The following CACNA1D variants were observed in gnomAD, a reference collection of about 807,000 sequenced individuals.
CACNA1D encodes the protein voltage-dependent L-type calcium channel subunit alpha-1D.
A neutral mutation model predicts 257.1 loss-of-function variants in CACNA1D; 55 were observed. That is an observed-to-expected ratio of 0.21 (90% CI 0.17 to 0.27). The LOEUF is 0.27. Among genes scored for constraint, CACNA1D ranks in the 10% least tolerant of loss-of-function variants. The pLI is 1.00. For synonymous variants in CACNA1D, 980 were observed against 1,014.9 expected, an observed-to-expected ratio of 0.97 and a Z score of 0.65; for missense variants, 1,876 against 2,784.0, an observed-to-expected ratio of 0.67 and a Z score of 7.34.
At chr3:53,643,307 C>G (rs1164886681) in intron 3 of CACNA1D, among the ~76,000 whole-genome samples, 1 of 151,968 alleles carries the variant, frequency 6.6e-6, no homozygotes, top group South Asian at 2.1e-4. Context: ...ATCTCTGAGC[C>G]GACGCCTGCC....
At chr3:53,780,891 C>T (rs938331800) in intron 38 of CACNA1D, among the ~76,000 whole-genome samples, 22 of 152,308 alleles carry the variant, frequency 1.4e-4, no homozygotes, top group African/African-American at 5.1e-4. Flanking sequence ...GCAAGGGACT[C>T]ATGCTGAGTG....
intron 3 of CACNA1D, among the ~76,000 whole-genome samples, chr3:53,559,403 A>G (rs2092699517): frequency 6.6e-6 from 1 of 152,092 alleles, no homozygotes; most frequent in South Asian, 2.1e-4. Context: ...ATTTTGGAGT[A>G]TGTTCTAGAC....
intron 3 of CACNA1D, among the ~76,000 whole-genome samples, chr3:53,553,853 C>G (rs558642799): frequency 1.3e-5 from 2 of 151,098 alleles, no homozygotes; most frequent in African/African-American, 4.9e-5. Context: ...TAAGCCTTTG[C>G]AGTAGGAGCT....
In CACNA1D at chr3:53,665,667, A is replaced by G; in HGVS notation, c.774A>G (p.Gln258=). The G allele has an allele frequency of 6.2e-7, 1 of 1,613,098 alleles. No individual in the cohort carries two copies. Among genetic ancestry groups the G allele is most frequent in the Non-Finnish European group, 8.5e-7 (1 of 1,179,164 alleles). The part of the protein sequence containing the change: ...LRLVSGVPSL[Q]VVLNSIIKAM... ...TTTTTTTGTCTTTCCTAGGTTTACAAGTTGTCCTGAACTCCATTATAAAAG... is the reference window on the plus strand; with the variant it reads ...TTTTTTTGTCTTTCCTAGGTTTACAGGTTGTCCTGAACTCCATTATAAAAG... Residue 258 remains glutamine, a synonymous_variant, in exon 6 of 48, where the codon CAA becomes CAG. Transcript: ENST00000350061.
chr3:53,661,272 A>G (rs1314522027), intron 5 of CACNA1D, among the ~76,000 whole-genome samples: 2 of 152,214 alleles, frequency 1.3e-5, no homozygotes, highest in Non-Finnish European at 2.9e-5. Flanking sequence ...CCTCTCCAGA[A>G]GTTCTTCATG....
At chr3:53,538,023 G>A (rs1194447353) in intron 3 of CACNA1D, among the ~76,000 whole-genome samples, 4 of 151,526 alleles carry the variant, frequency 2.6e-5, no homozygotes, top group Non-Finnish European at 5.9e-5. Flanking sequence ...GATGTTTAAT[G>A]TGTAGATCAA....
chr3:53,662,399 T>G (rs1411365441), intron 5 of CACNA1D, among the ~76,000 whole-genome samples: 9 of 152,162 alleles, frequency 5.9e-5, no homozygotes. Flanking sequence ...CCCCGCGACC[T>G]CAGCACTACT....
chr3:53,730,103 T>C (rs548692196), intron 15 of CACNA1D, among the ~76,000 whole-genome samples: 1 of 152,336 alleles, frequency 6.6e-6, no homozygotes, highest in African/African-American at 2.4e-5. Flanking sequence ...TATAGATTGT[T>C]TTATAAAATG....
intron 3 of CACNA1D, among the ~76,000 whole-genome samples, chr3:53,506,455 A>G (rs1257992217): frequency 1.3e-5 from 2 of 152,180 alleles, no homozygotes; most frequent in Non-Finnish European, 2.9e-5. Flanking sequence ...CTTTGGATGG[A>G]ACTAGAATAT....
intron 3 of CACNA1D, among the ~76,000 whole-genome samples, chr3:53,631,808 C>G (rs904584609): frequency 7.2e-5 from 11 of 152,218 alleles, no homozygotes; most frequent in Non-Finnish European, 1.2e-4. Flanking sequence ...TCCATCAGAT[C>G]AGGTGCATTG....
intron 3 of CACNA1D, among the ~76,000 whole-genome samples, chr3:53,618,886 ACTTCACCT>A (rs2093665331): frequency 6.6e-6 from 1 of 152,138 alleles, no homozygotes; most frequent in Admixed American, 6.5e-5. Context: ...CGGGCAAGTC[ACTTCACCT>A]CTTTGACCTC....
intron 7 of CACNA1D, among the ~76,000 whole-genome samples, chr3:53,667,241 C>T (rs1382226055): frequency 2.0e-5 from 3 of 152,190 alleles, no homozygotes; most frequent in Non-Finnish European, 2.9e-5. Context: ...GGTCTGATTC[C>T]TCTTGTTCCT....
intron 16 of CACNA1D, among the ~76,000 whole-genome samples, 172 bp downstream of exon 16, chr3:53,730,728 A>G (rs530917136): frequency 6.6e-6 from 1 of 152,388 alleles, no homozygotes; most frequent in East Asian, 1.9e-4. Context: ...AATCTTGGGC[A>G]GAAGCCAGGC....
chr3:53,528,117 T>G (rs1187298792), intron 3 of CACNA1D, among the ~76,000 whole-genome samples: 1 of 152,244 alleles, frequency 6.6e-6, no homozygotes, highest in East Asian at 1.9e-4. Flanking sequence ...ACATGTTTTC[T>G]TACCTTTTTT....
At chr3:53,540,907 A>G (rs1451032019) in intron 3 of CACNA1D, among the ~76,000 whole-genome samples, 1 of 151,736 alleles carries the variant, frequency 6.6e-6, no homozygotes, top group African/African-American at 2.4e-5. Context: ...ATGCCTGGCT[A>G]ATTTGTGTAT....
At chr3:53,682,925 C>G (rs968017703) in intron 8 of CACNA1D, among the ~76,000 whole-genome samples, 1 of 152,142 alleles carries the variant, frequency 6.6e-6, no homozygotes, top group Non-Finnish European at 1.5e-5. Context: ...GCAATCCCTA[C>G]GAGAAGGGAA....
intron 3 of CACNA1D, among the ~76,000 whole-genome samples, chr3:53,608,429 G>T (rs147329251): frequency 2.0e-5 from 3 of 152,158 alleles, no homozygotes; most frequent in Admixed American, 6.5e-5. Context: ...TGTGAACAAA[G>T]ATAGTTTTCC....
At chr3:53,521,455 C>T (rs2107349208) in intron 3 of CACNA1D, among the ~76,000 whole-genome samples, 1 of 152,288 alleles carries the variant, frequency 6.6e-6, no homozygotes, top group Middle Eastern at 3.4e-3. Context: ...TTGCCTGTTC[C>T]AACTCCCTTG....
At position 53,745,785 on chromosome 3, in the gene CACNA1D, C is replaced by G. The variant is rs751155673; in HGVS notation, c.3115-38C>G. Reference sequence around the variant, plus strand: ...TCAGGTGGATTTCTTTAAGGAGAAGCCTGCATTTACTTAACTGCCTGTCTA... The same window carrying G: ...TCAGGTGGATTTCTTTAAGGAGAAGGCTGCATTTACTTAACTGCCTGTCTA... On this transcript the variant is annotated intron_variant, in intron 24 of 47. Coordinates refer to ENST00000350061, the MANE Select transcript of CACNA1D (RefSeq NM_001128840.3). The G allele has an allele frequency of 4.1e-5, 66 of 1,605,850 alleles. 1 individual carries two copies. The South Asian group carries it at 4.5e-4, about 11-fold the overall frequency.
Sources: gnomAD v4.1 joint callset for allele counts (sites outside exome capture counted in the v4.1 genomes callset) on GRCh38, gnomAD v4.1.1 for gene constraint, MANE v1.5 for transcripts, NCBI Gene and HGNC (gene_info 2026-07-23, HGNC 2026-07-21) for gene names.